The following SETBP1 variants were observed in gnomAD, a reference collection of about 807,000 sequenced individuals.
The protein encoded by SETBP1 is SET binding protein 1.
In SETBP1, 9 loss-of-function variants were observed where a neutral mutation model predicts 101.0. The ratio of observed to expected loss-of-function variants is 0.09; its 90% confidence interval spans 0.05 to 0.16. The LOEUF (loss-of-function observed/expected upper bound fraction) is 0.16, where lower values mean the gene tolerates loss of function less well. SETBP1 is among the 10% of genes least tolerant of loss of function. The pLI, the probability that SETBP1 is intolerant of heterozygous loss-of-function variation, is 1.00. For missense variants in SETBP1, 1,858 were observed against 2,033.8 expected (o/e 0.91, Z 1.66); for synonymous variants, 818 against 788.5 (o/e 1.04, Z -0.63).
At chr18:44,698,046 G>A (rs557436823) in intron 1 of SETBP1, among the ~76,000 whole-genome samples, 7 of 152,256 alleles carry the variant, frequency 4.6e-5, no homozygotes, top group Admixed American at 3.3e-4. Context: ...ACTGCAAGTT[G>A]GTGGCTAATT....
intron 4 of SETBP1, among the ~76,000 whole-genome samples, chr18:45,037,177 GT>G: frequency 6.6e-6 from 1 of 152,272 alleles, no homozygotes; most frequent in African/African-American, 2.4e-5. Flanking sequence ...GCTGCTGTTA[GT>G]GTTATGTAGC....
chr18:44,910,876 C>T (rs1041056457), intron 3 of SETBP1, among the ~76,000 whole-genome samples: 2 of 152,094 alleles, frequency 1.3e-5, no homozygotes, highest in African/African-American at 4.8e-5. Context: ...CTGGTTGCCC[C>T]CTGCCCCTCA....
intron 4 of SETBP1, among the ~76,000 whole-genome samples, chr18:44,969,589 C>T (rs1401457210): frequency 5.3e-5 from 8 of 152,276 alleles, no homozygotes; most frequent in Admixed American, 3.9e-4. Context: ...GCTAGAGAAA[C>T]AGCCCCAAGA....
At chr18:44,962,888 G>A (rs962246900) in intron 4 of SETBP1, among the ~76,000 whole-genome samples, 5 of 152,138 alleles carry the variant, frequency 3.3e-5, no homozygotes, top group African/African-American at 1.2e-4. Flanking sequence ...TGTTGATGGA[G>A]GATCTGAGGA....
In SETBP1 at chr18:44,683,412, G is replaced by C. The variant is rs556029696; in HGVS notation, c.-173+2391G>C. Among the ~76,000 whole-genome samples the C allele has an allele frequency of 2.0e-5, 3 of 152,318 alleles. No homozygotes were observed. The South Asian group carries it at 6.2e-4, about 32-fold the overall frequency. ...TTTAGGATTTAGTTGAAAATGGTGA[G>C]TGGGGAGAGGCAGGAGGCAGGATTT... On this transcript the variant is annotated intron_variant, in intron 1 of 5. Coordinates refer to ENST00000649279, the MANE Select transcript of SETBP1 (RefSeq NM_015559.3).
intron 2 of SETBP1, among the ~76,000 whole-genome samples, chr18:44,823,788 A>C (rs2072170048): frequency 6.6e-6 from 1 of 152,214 alleles, no homozygotes; most frequent in Non-Finnish European, 1.5e-5. Context: ...CCCTTGATTC[A>C]CAAATAAGAA....
intron 2 of SETBP1, among the ~76,000 whole-genome samples, chr18:44,708,038 G>A (rs2069259741): frequency 6.6e-6 from 1 of 152,166 alleles, no homozygotes; most frequent in Admixed American, 6.5e-5. Context: ...TTTACACGTG[G>A]GTGAGGAGGG....
intron 2 of SETBP1, among the ~76,000 whole-genome samples, chr18:44,829,744 G>A (rs981378069): frequency 2.6e-5 from 4 of 152,200 alleles, no homozygotes; most frequent in Non-Finnish European, 5.9e-5. Context: ...TCAGTTGATT[G>A]AGTCCTTGTC....
At chr18:44,868,469 C>T (rs1297876452) in intron 2 of SETBP1, among the ~76,000 whole-genome samples, 3 of 151,768 alleles carry the variant, frequency 2.0e-5, no homozygotes, top group Non-Finnish European at 2.9e-5. Context: ...CCAAGGCAGG[C>T]GTATCACCTG....
intron 3 of SETBP1, among the ~76,000 whole-genome samples, chr18:44,885,907 T>C (rs926846741): frequency 1.3e-5 from 2 of 149,114 alleles, no homozygotes; most frequent in East Asian, 4.0e-4. Flanking sequence ...TCAATTCTGC[T>C]ATTCCTTGTG....
intron 3 of SETBP1, among the ~76,000 whole-genome samples, chr18:44,872,497 C>A (rs1165170262): frequency 1.3e-5 from 2 of 152,140 alleles, no homozygotes; most frequent in Non-Finnish European, 2.9e-5. Context: ...GCCATGCTTG[C>A]ACTAGTTGTT....
intron 3 of SETBP1, among the ~76,000 whole-genome samples, chr18:44,923,700 C>G (rs540614734): frequency 2.8e-4 from 43 of 152,212 alleles, no homozygotes; most frequent in Non-Finnish European, 5.9e-4. Flanking sequence ...TCTTGATACA[C>G]TTTGCTTCTC....
chr18:44,937,842 T>G (rs2070998193), intron 3 of SETBP1, among the ~76,000 whole-genome samples: 1 of 152,086 alleles, frequency 6.6e-6, no homozygotes, highest in East Asian at 1.9e-4. Context: ...ACTCCACGGT[T>G]TGGTCTGGCT....
intron 3 of SETBP1, among the ~76,000 whole-genome samples, chr18:44,914,101 C>T (rs1479725031): frequency 6.6e-6 from 1 of 152,220 alleles, no homozygotes; most frequent in Non-Finnish European, 1.5e-5. Flanking sequence ...AGAAGGCACT[C>T]CCATCGTCTC....
intron 5 of SETBP1, among the ~76,000 whole-genome samples, chr18:45,062,432 A>T (rs2073904429): frequency 6.6e-6 from 1 of 152,220 alleles, no homozygotes; most frequent in African/African-American, 2.4e-5. Flanking sequence ...GGGGAAAAGC[A>T]CAGCGAGATG....
intron 4 of SETBP1, among the ~76,000 whole-genome samples, chr18:44,963,382 C>A (rs77885357): frequency 6.6e-6 from 1 of 152,088 alleles, no homozygotes; most frequent in Non-Finnish European, 1.5e-5. Flanking sequence ...CAATTCTGTG[C>A]GCAAAGCCTT....
At chr18:44,766,996 G>T (rs1026851429) in intron 2 of SETBP1, among the ~76,000 whole-genome samples, 7 of 152,206 alleles carry the variant, frequency 4.6e-5, no homozygotes, top group African/African-American at 1.7e-4. Context: ...CCCCATGAAG[G>T]TCTGTCCCAT....
At chr18:44,882,909 T>C (rs1016103668) in intron 3 of SETBP1, among the ~76,000 whole-genome samples, 10 of 152,156 alleles carry the variant, frequency 6.6e-5, no homozygotes, top group African/African-American at 2.4e-4. Context: ...TGCAGCTACC[T>C]CCTGTTCAGA....
chr18:45,058,947 G>A (rs1371740317), intron 5 of SETBP1, among the ~76,000 whole-genome samples: 2 of 152,108 alleles, frequency 1.3e-5, no homozygotes, highest in Non-Finnish European at 2.9e-5. Context: ...ACCTTCACGG[G>A]GAACATCTCC....
Sources: allele counts gnomAD v4.1 joint callset (sites outside exome capture counted in the v4.1 genomes callset), GRCh38; gene constraint gnomAD v4.1.1; transcripts MANE v1.5; gene names NCBI Gene and HGNC (gene_info 2026-07-23, HGNC 2026-07-21).